Variants in DDX39A observed in about 807,000 individuals in gnomAD.
DDX39A encodes the protein ATP-dependent RNA helicase DDX39A.
In DDX39A, 13 loss-of-function variants were observed where a neutral mutation model predicts 46.3. The ratio of observed to expected loss-of-function variants is 0.28; its 90% CI spans 0.18 to 0.45. DDX39A has a LOEUF of 0.45. Ranked by LOEUF, DDX39A falls within the 20% of genes least tolerant of loss-of-function variation. The pLI is 1.00. For synonymous variants in DDX39A, 234 were observed against 224.6 expected (o/e 1.04, Z -0.38); for missense variants, 352 against 581.8 (o/e 0.61, Z 4.06).
intron 1 of DDX39A, chr19:14,418,827 G>T (rs1371101602): frequency 2.3e-6 from 1 of 434,610 alleles, no homozygotes; most frequent in East Asian, 7.1e-5. Flanking sequence ...AGACCAAGAA[G>T]AAGGTAGACT....
intron 1 of DDX39A, among the ~76,000 whole-genome samples, chr19:14,416,960 G>A (rs1976833842): frequency 1.3e-5 from 2 of 152,152 alleles, no homozygotes; most frequent in African/African-American, 2.4e-5. Context: ...TGGGATTACA[G>A]GAATGAGCCA....
Position 14,419,304 on chromosome 19 carries a change from G to A in DDX39A, c.-39C>T, listed in dbSNP as rs1442904155. On this transcript the variant is annotated 5_prime_UTR_variant, in exon 1 of 11. Coordinates refer to ENST00000242776, the MANE Select transcript of DDX39A (RefSeq NM_005804.4). ...CGTTCTTCTCCGCGCGCTGCTAAGA[G>A]ACACTTCCAACTTCGGTTTTCCGCC... The A allele has an allele frequency of 1.6e-5, 4 of 243,848 alleles. No homozygotes were observed. The highest frequency in any genetic ancestry group is 3.3e-5 in the Non-Finnish European group (4 of 119,566). The allele number at this position is 243,848 out of a possible 1,614,324, so 15.1% of individuals were successfully genotyped here. A position where few individuals can be genotyped will look rare whatever the true frequency, so the allele number is the denominator to read the frequency against.
In DDX39A at chr19:14,409,303, C is replaced by G; in HGVS notation, c.1119G>C (p.Arg373=). 6.2e-7 allele frequency: 1 copy of G among 1,614,232 alleles called. No homozygotes were observed. The highest frequency in any genetic ancestry group is 1.1e-5 in the South Asian group (1 of 91,088). ...MPEDSDTYLH[R]VARAGRFGTK... ...GCAACATGCCCGTGAGGCTGCTCACCCGGTGCAGGTAGGTGTCCGAGTCCT... is the reference window on the plus strand; with the variant it reads ...GCAACATGCCCGTGAGGCTGCTCACGCGGTGCAGGTAGGTGTCCGAGTCCT... Residue 373 remains arginine, a splice_region_variant and synonymous_variant, in exon 9 of 11, where the codon CGG becomes CGC. Transcript: ENST00000242776. The surrounding 1 kb of genome is among the most constrained non-coding windows in gnomAD (Gnocchi z 8.3).
chr19:14,418,727 G>A (rs1255382521), intron 1 of DDX39A, among the ~76,000 whole-genome samples: 2 of 152,102 alleles, frequency 1.3e-5, no homozygotes, highest in Admixed American at 1.3e-4. Context: ...CTCTCCCAAA[G>A]TACTGAGATT....
Position 14,409,272 on chromosome 19 carries a change from GGGAAAGCAACATGCCCGTGA to G in DDX39A, c.1119+11_1119+30del, listed in dbSNP as rs1568324209. ...GGCTGGGGCCCCACCCCACCGCCAG[GGGAAAGCAACATGCCCGTGA>G]GGCTGCTCACCCGGTGCAGGTAGGT... On this transcript the variant is annotated intron_variant, in intron 9 of 10. Transcript: ENST00000242776. This position sits in a 1 kb window ranked among gnomAD's most constrained non-coding sequence, Gnocchi z 8.3. 1 of 1,613,692 alleles carries G rather than the reference GGGAAAGCAACATGCCCGTGA, an allele frequency of 6.2e-7. No individual in the cohort carries two copies. Among genetic ancestry groups the G allele is most frequent in the Non-Finnish European group, 8.5e-7 (1 of 1,179,604 alleles).
chr19:14,410,033 G>A lies in DDX39A; in HGVS notation c.733-160C>T, dbSNP rs1976504798. The A allele has an allele frequency of 8.9e-7, 1 of 1,119,608 alleles. No individual in the cohort carries two copies. Among genetic ancestry groups the A allele is most frequent in the Non-Finnish European group, 1.3e-6 (1 of 747,548 alleles). The allele number at this position is 1,119,608 out of a possible 1,614,324, so 69.4% of individuals were successfully genotyped here. A position where few individuals can be genotyped will look rare whatever the true frequency, so the allele number is the denominator to read the frequency against. On this transcript the variant is annotated intron_variant, in intron 6 of 10. Transcript: ENST00000242776. The surrounding 1 kb of genome is among the most constrained non-coding windows in gnomAD (Gnocchi z 4.3). ...CGCTCAAAAGCTGGATGTAAGCTCT[G>A]GCCCGACTCAGGTGTGGACCAAGCT...
intron 1 of DDX39A, 73 bp downstream of exon 1, chr19:14,419,197 T>C: frequency 3.1e-6 from 1 of 325,386 alleles, no homozygotes; most frequent in Non-Finnish European, 6.1e-6. Flanking sequence ...GATCCCAACG[T>C]CTCCCCTCGT....
chr19:14,412,453 C>A lies in DDX39A; in HGVS notation c.336+98G>T, dbSNP rs776442643. 10 of 1,494,846 alleles carry A rather than the reference C, an allele frequency of 6.7e-6. No homozygotes were observed. Among genetic ancestry groups the A allele is most frequent in the Non-Finnish European group, 7.2e-6 (8 of 1,117,270 alleles). The allele number at this position is 1,494,846 out of a possible 1,614,324, so 92.6% of individuals were successfully genotyped here. A position where few individuals can be genotyped will look rare whatever the true frequency, so the allele number is the denominator to read the frequency against. On this transcript the variant is annotated intron_variant, in intron 3 of 10. Transcript: ENST00000242776. The surrounding 1 kb of genome is among the most constrained non-coding windows in gnomAD (Gnocchi z 4.4). ...AAGCAATCCTCCAGCCTCAGCTTCC[C>A]AAAGCACTGGGCTAACAGGTGTGAG...
intron 1 of DDX39A, chr19:14,419,059 C>A (rs1288821641): frequency 2.2e-6 from 1 of 446,874 alleles, no homozygotes; most frequent in Non-Finnish European, 4.5e-6. Context: ...GAGCCCCGAG[C>A]ACCGCGCGCC....
At chr19:14,414,701 G>A (rs925918199) in intron 1 of DDX39A, among the ~76,000 whole-genome samples, 7 of 148,968 alleles carry the variant, frequency 4.7e-5, no homozygotes, top group South Asian at 4.5e-4. Flanking sequence ...GGTGGCTCAC[G>A]CCTGTAATCC....
chr19:14,409,246 G>A lies in DDX39A; in HGVS notation c.1119+57C>T, dbSNP rs1389794055. The A allele has an allele frequency of 3.7e-6, 6 of 1,612,838 alleles. No individual in the cohort carries two copies. In the African/African-American group the frequency reaches 5.3e-5, roughly 14 times the overall value. On this transcript the variant is annotated intron_variant, in intron 9 of 10. Transcript: ENST00000242776. The surrounding 1 kb of genome is among the most constrained non-coding windows in gnomAD (Gnocchi z 8.3). ...CTACCTCAGGACTTGAGGAAAAGCA[G>A]GGCTGGGGCCCCACCCCACCGCCAG...
chr19:14,410,378 A>C lies in DDX39A; in HGVS notation c.614-44T>G. On this transcript the variant is annotated intron_variant, in intron 5 of 10. Transcript: ENST00000242776. This position sits in a 1 kb window ranked among gnomAD's most constrained non-coding sequence, Gnocchi z 4.3. ...ACATGGGTGGGCATGAGCGTCTGCC[A>C]TGCAGGACCCCCACCCCAGACCAGA... 6.4e-7 allele frequency: 1 copy of C among 1,551,296 alleles called. No individual in the cohort carries two copies. Among genetic ancestry groups the C allele is most frequent in the Non-Finnish European group, 8.9e-7 (1 of 1,124,296 alleles).
rs1976607727 is a variant in DDX39A, at chr19:14,411,942, C to G, written c.337-344G>C. On this transcript the variant is annotated intron_variant, in intron 3 of 10. Coordinates refer to ENST00000242776, the MANE Select transcript of DDX39A (RefSeq NM_005804.4). The surrounding 1 kb of genome is among the most constrained non-coding windows in gnomAD (Gnocchi z 4.1). Reference sequence around the variant, plus strand: ...CCTGAATCTCGGCACTCGGGCGGCCCCGGTCTTCCCACCCGTGCCATCAGA... The same window carrying G: ...CCTGAATCTCGGCACTCGGGCGGCCGCGGTCTTCCCACCCGTGCCATCAGA... Among the ~76,000 whole-genome samples the G allele has an allele frequency of 6.6e-6, 1 of 152,194 alleles. No individual in the cohort carries two copies. The highest frequency in any genetic ancestry group is 2.4e-5 in the African/African-American group (1 of 41,436).
rs1976410684 is a variant in DDX39A, at chr19:14,408,877, A to C, written c.*59T>G. On this transcript the variant is annotated 3_prime_UTR_variant, in exon 11 of 11. Transcript: ENST00000242776. The stretch of plus-strand genomic sequence containing the variant: ...CTAGCTTCTCAACAGTGGCGCCTGG[A>C]AAGGGGAGGTGAAGCTGCATGCGGG... The C allele has an allele frequency of 3.9e-6, 6 of 1,532,994 alleles. No homozygotes were observed. Among genetic ancestry groups the C allele is most frequent in the Non-Finnish European group, 5.3e-6 (6 of 1,140,710 alleles). The allele number at this position is 1,532,994 out of a possible 1,614,324, so 95.0% of individuals were successfully genotyped here. A position where few individuals can be genotyped will look rare whatever the true frequency, so the allele number is the denominator to read the frequency against.
rs1304390416 is a variant in DDX39A at position 14,414,998 on chromosome 19, C to T, written c.-4-1774G>A. Among the ~76,000 whole-genome samples the T allele has an allele frequency of 2.0e-5, 3 of 151,524 alleles. No individual in the cohort carries two copies. The East Asian group carries it at 5.8e-4, about 29-fold the overall frequency. Reference sequence around the variant, plus strand: ...GATATTTACATGCTATACAACTCACCACTTAAGGCAGATAATTCAGTGGTT... The same window carrying T: ...GATATTTACATGCTATACAACTCACTACTTAAGGCAGATAATTCAGTGGTT... On this transcript the variant is annotated intron_variant, in intron 1 of 10. Coordinates refer to ENST00000242776, the MANE Select transcript of DDX39A (RefSeq NM_005804.4).
At position 14,415,884 on chromosome 19, in the gene DDX39A, C is replaced by A. The variant is rs544406585; in HGVS notation, c.-4-2660G>T. On this transcript the variant is annotated intron_variant, in intron 1 of 10. Coordinates refer to ENST00000242776, the MANE Select transcript of DDX39A (RefSeq NM_005804.4). ...GTCAGGAGTCCAGGACCAGCCTGAC[C>A]AACATGGTGAAACCCCATCTCTACT... 4.4e-3 allele frequency: 732 copies of A among 166,984 alleles called. 16 individuals are homozygous for A. Among genetic ancestry groups the A allele is most frequent in the Middle Eastern group, 2.7e-3 (1 of 366 alleles). 10.3% of individuals were successfully genotyped at this position (166,984 alleles called of 1,614,324 possible).
Position 14,410,933 on chromosome 19 carries a change from A to C in DDX39A, c.613+56T>G. 1 of 1,467,774 alleles carries C rather than the reference A, an allele frequency of 6.8e-7. No homozygotes were observed. The highest frequency in any genetic ancestry group is 9.1e-7 in the Non-Finnish European group (1 of 1,104,078). The allele number at this position is 1,467,774 out of a possible 1,614,324, so 90.9% of individuals were successfully genotyped here. Reference sequence around the variant, plus strand: ...CCCACTCAAGAGCCTTCCGCCTGCTATGGGGCCCGCCTAGTCACTGACTCT... The same window carrying C: ...CCCACTCAAGAGCCTTCCGCCTGCTCTGGGGCCCGCCTAGTCACTGACTCT... On this transcript the variant is annotated intron_variant, in intron 5 of 10. Coordinates refer to ENST00000242776, the MANE Select transcript of DDX39A (RefSeq NM_005804.4). The surrounding 1 kb of genome is among the most constrained non-coding windows in gnomAD (Gnocchi z 4.3).
chr19:14,409,289 G>A lies in DDX39A; in HGVS notation c.1119+14C>T, dbSNP rs184015422. On this transcript the variant is annotated intron_variant, in intron 9 of 10. Coordinates refer to ENST00000242776, the MANE Select transcript of DDX39A (RefSeq NM_005804.4). This position sits in a 1 kb window ranked among gnomAD's most constrained non-coding sequence, Gnocchi z 8.3. ...ACCGCCAGGGGAAAGCAACATGCCC[G>A]TGAGGCTGCTCACCCGGTGCAGGTA... The A allele has an allele frequency of 3.5e-4, 568 of 1,614,152 alleles. 3 individuals are homozygous for A. The African/African-American group carries it at 6.5e-3, about 19-fold the overall frequency.
Position 14,409,117 on chromosome 19 carries a change from GCAT to G in DDX39A, c.1184_1186del (p.Asp395del). On this transcript the variant is annotated inframe_deletion, in exon 10 of 11. Transcript: ENST00000242776. The surrounding 1 kb of genome is among the most constrained non-coding windows in gnomAD (Gnocchi z 8.3). ...GTCCTGGACGTCATTGAGGATTTTGGCATCATTCTCGTCAGACACAAAAGTGAT... is the reference window on the plus strand; with the variant it reads ...GTCCTGGACGTCATTGAGGATTTTGGCATTCTCGTCAGACACAAAAGTGAT... 6.2e-7 allele frequency: 1 copy of G among 1,614,192 alleles called. No individual in the cohort carries two copies. The highest frequency in any genetic ancestry group is 8.5e-7 in the Non-Finnish European group (1 of 1,180,040).
Sources: gnomAD v4.1 joint callset for allele counts (sites outside exome capture counted in the v4.1 genomes callset) on GRCh38, gnomAD v4.1.1 for gene constraint, Gnocchi (gnomAD v3.1) non-coding constraint, MANE v1.5 for transcripts, NCBI Gene and HGNC (gene_info 2026-07-23, HGNC 2026-07-21) for gene names.